Variants in ABCA8 observed in about 807,000 individuals in gnomAD.
ABCA8 encodes the protein ABC-type organic anion transporter ABCA8.
Under a neutral mutation model 192.3 loss-of-function variants are expected in ABCA8, and 177 were observed. The ratio of observed to expected loss-of-function variants is 0.92; its 90% CI spans 0.81 to 1.04. The LOEUF is 1.04. Among genes scored for constraint, ABCA8 ranks in the 50% least tolerant of loss-of-function variants. ABCA8 has a pLI of 0.00. For missense variants in ABCA8, 1,915 were observed against 1,904.8 expected, an observed-to-expected ratio of 1.01 and a Z score of -0.10; for synonymous variants, 642 against 690.2, an observed-to-expected ratio of 0.93 and a Z score of 1.09.
intron 5 of ABCA8, 98 bp from the exon 6 acceptor site, chr17:68,933,369 T>C (rs1337795083): frequency 5.7e-6 from 4 of 699,964 alleles, no homozygotes; most frequent in East Asian, 2.8e-5. Context: ...GACTTTACAA[T>C]GACCCCAAAT....
chr17:68,877,711 C>G (rs1459498333), intron 32 of ABCA8, 32 bp from the exon 33 acceptor site: 3 of 1,578,614 alleles, frequency 1.9e-6, no homozygotes, highest in Non-Finnish European at 2.6e-6. Flanking sequence ...CAGAACCTAC[C>G]TTCTGCACTG....
intron 3 of ABCA8, among the ~76,000 whole-genome samples, chr17:68,941,673 T>C (rs1429529751): frequency 6.6e-6 from 1 of 152,188 alleles, no homozygotes; most frequent in Non-Finnish European, 1.5e-5. Context: ...GTAACAAATG[T>C]GACCATTGGC....
At chr17:68,944,404 AG>A (rs1383896347) in intron 2 of ABCA8, 5 of 144,410 alleles carry the variant, frequency 3.5e-5, no homozygotes, top group Admixed American at 7.0e-5. Context: ...AAAGACCCCC[AG>A]TAGCTCACAG....
chr17:68,897,422 G>T (rs2066794605), intron 21 of ABCA8, among the ~76,000 whole-genome samples: 1 of 152,124 alleles, frequency 6.6e-6, no homozygotes, highest in Admixed American at 6.6e-5. Flanking sequence ...TAAATGTCCA[G>T]TTTTCAACCA....
rs2068210481 is a variant in ABCA8 at position 68,940,942 on chromosome 17, G to A, written c.117C>T (p.Leu39=). 1 of 1,609,290 alleles carries A rather than the reference G, an allele frequency of 6.2e-7. No homozygotes were observed. The highest frequency in any genetic ancestry group is 2.2e-5 in the East Asian group (1 of 44,804). ...GATATATATACAAACAAAGTAGTAGGAGCAATGAATTCAGCCATTCCTATA... is the reference window on the plus strand; with the variant it reads ...GATATATATACAAACAAAGTAGTAGAAGCAATGAATTCAGCCATTCCTATA... ...ESLMEWLNSL[L]LLLCLYIYPH... is the part of the protein sequence containing the mutation. Residue 39 remains leucine, a synonymous_variant, in exon 4 of 40, where the codon CTC becomes CTT. Coordinates refer to ENST00000586539, the MANE Select transcript of ABCA8 (RefSeq NM_001288985.2).
chr17:68,927,252 T>C (rs1156486555), intron 10 of ABCA8, among the ~76,000 whole-genome samples: 1 of 151,810 alleles, frequency 6.6e-6, no homozygotes, highest in Non-Finnish European at 1.5e-5. Context: ...AGTGAGAGTC[T>C]GTCTCAAAAA....
intron 10 of ABCA8, 31 bp downstream of exon 10, chr17:68,927,885 G>A: frequency 6.9e-7 from 1 of 1,448,470 alleles, no homozygotes; most frequent in Non-Finnish European, 9.4e-7. Context: ...CTATTTAAAT[G>A]ATATATGATT....
intron 5 of ABCA8, among the ~76,000 whole-genome samples, chr17:68,935,432 T>C (rs979596780): frequency 1.3e-5 from 2 of 151,204 alleles, no homozygotes; most frequent in Non-Finnish European, 2.9e-5. Context: ...ATCACAATTT[T>C]TGCCTTTATT....
At position 68,940,794 on chromosome 17, in the gene ABCA8, T is replaced by A. The variant is rs1427721562; in HGVS notation, c.265A>T (p.Ile89Leu). ...GGAGTAGAGGCTACTTTATTCATTATCTGTTGGGTCGTGTTGGTGACAGGT... is the reference window on the plus strand; with the variant it reads ...GGAGTAGAGGCTACTTTATTCATTAACTGTTGGGTCGTGTTGGTGACAGGT... ...YTPVTNTTQQ[I>L]MNKVASTPFL... is the part of the protein sequence containing the mutation. Residue 89 changes from isoleucine to leucine, a missense_variant, in exon 4 of 40, where the codon ATA becomes TTA. Transcript: ENST00000586539. 2 of 1,613,576 alleles carry A rather than the reference T, an allele frequency of 1.2e-6. No individual in the cohort carries two copies.
chr17:68,922,127 C>T lies in ABCA8; in HGVS notation c.1501+115G>A, dbSNP rs555321378. 314 of 750,348 alleles carry T rather than the reference C, an allele frequency of 4.2e-4. 1 individual carries two copies. In the African/African-American group the frequency reaches 4.5e-3, roughly 11 times the overall value. 46.5% of individuals were successfully genotyped at this position (750,348 alleles called of 1,614,324 possible). On this transcript the variant is annotated intron_variant, in intron 12 of 39. Coordinates refer to ENST00000586539, the MANE Select transcript of ABCA8 (RefSeq NM_001288985.2). ...TAAAATACCACCACTAATTAATCAC[C>T]GAAAGCAAAACTGAATTAAAATCAG...
At chr17:68,909,508 C>T (rs1327243180) in intron 17 of ABCA8, among the ~76,000 whole-genome samples, 1 of 152,150 alleles carries the variant, frequency 6.6e-6, no homozygotes, top group African/African-American at 2.4e-5. Flanking sequence ...GGCAGGGATC[C>T]TGACTAGCAC....
In ABCA8 at chr17:68,887,477, G is replaced by A. The variant is rs752154556; in HGVS notation, c.3174C>T (p.Ser1058=). ...KNRARSQLRI[S]GLSPSAYWFG... ...ACCAGTAAGCAGAAGGGGAGAGTCC[G>A]GAAATCCGTAGCTGGGACCGAGCTC... Residue 1058 remains serine, a synonymous_variant, in exon 25 of 40, where the codon TCC becomes TCT. Coordinates refer to ENST00000586539, the MANE Select transcript of ABCA8 (RefSeq NM_001288985.2). 40 of 1,611,850 alleles carry A rather than the reference G, an allele frequency of 2.5e-5. No individual in the cohort carries two copies. In the East Asian group the frequency reaches 3.1e-4, roughly 13 times the overall value.
chr17:68,876,822 G>T (rs1034053893), intron 33 of ABCA8, 119 bp from the exon 34 acceptor site: 2 of 1,189,136 alleles, frequency 1.7e-6, no homozygotes, highest in Admixed American at 2.0e-5. Flanking sequence ...ACATGTGGTC[G>T]GGGGGCAGGG....
chr17:68,893,721 CTTTTT>C, intron 23 of ABCA8, among the ~76,000 whole-genome samples: 1 of 127,702 alleles, frequency 7.8e-6, no homozygotes, highest in South Asian at 2.7e-4. Context: ...TTCATATTCT[CTTTTT>C]TTTTTTTTCC....
rs2065949356 is a variant in ABCA8, at chr17:68,867,509, T to C, written c.*576A>G. Reference sequence around the variant, plus strand: ...GTACAATATATTTGAAATAGTAGGGTTTTTGTTTTCCATTTATGCCTACAT... The same window carrying C: ...GTACAATATATTTGAAATAGTAGGGCTTTTGTTTTCCATTTATGCCTACAT... On this transcript the variant is annotated 3_prime_UTR_variant, in exon 40 of 40. Transcript: ENST00000586539. 1 of 152,066 alleles carries C rather than the reference T, an allele frequency of 6.6e-6. No individual in the cohort carries two copies. The highest frequency in any genetic ancestry group is 1.5e-5 in the Non-Finnish European group (1 of 68,002). 9.4% of individuals were successfully genotyped at this position (152,066 alleles called of 1,614,324 possible). A position where few individuals can be genotyped will look rare whatever the true frequency, so the allele number is the denominator to read the frequency against.
intron 5 of ABCA8, among the ~76,000 whole-genome samples, chr17:68,936,598 C>A (rs1270269359): frequency 6.6e-6 from 1 of 151,862 alleles, no homozygotes; most frequent in Non-Finnish European, 1.5e-5. Flanking sequence ...ATAATTTGAA[C>A]AACTGAGCTT....
intron 24 of ABCA8, among the ~76,000 whole-genome samples, chr17:68,889,914 T>C (rs2066584554): frequency 6.6e-6 from 1 of 152,184 alleles, no homozygotes; most frequent in South Asian, 2.1e-4. Context: ...TAGTATTCCA[T>C]TGTATGGCTA....
intron 2 of ABCA8, among the ~76,000 whole-genome samples, chr17:68,943,191 T>G (rs1176180383): frequency 6.6e-6 from 1 of 152,138 alleles, no homozygotes; most frequent in Non-Finnish European, 1.5e-5. Flanking sequence ...CACCATAGTT[T>G]GGCCTGGAAA....
At chr17:68,917,986 A>C in intron 16 of ABCA8, 61 bp downstream of exon 16, 1 of 1,587,828 alleles carries the variant, frequency 6.3e-7, no homozygotes, top group Non-Finnish European at 8.6e-7. Flanking sequence ...TCAGAGACCA[A>C]TCCATATTTT....
Sources: gnomAD v4.1 joint callset for allele counts (sites outside exome capture counted in the v4.1 genomes callset) on GRCh38, gnomAD v4.1.1 for gene constraint, MANE v1.5 for transcripts, NCBI Gene and HGNC (gene_info 2026-07-23, HGNC 2026-07-21) for gene names.